TANC2: variants seen among roughly 807,000 people sequenced by gnomAD.
TANC2 encodes protein TANC2.
In TANC2, 26 loss-of-function variants were observed where a neutral mutation model predicts 210.5. The ratio of observed to expected loss-of-function variants is 0.12; its 90% confidence interval spans 0.09 to 0.17. The LOEUF is 0.17. Among genes scored for constraint, TANC2 ranks in the 10% least tolerant of loss-of-function variants. The pLI is 1.00. For missense variants in TANC2, 2,129 were observed against 2,608.9 expected, an observed-to-expected ratio of 0.82 and a Z score of 4.01; for synonymous variants, 931 against 967.1, an observed-to-expected ratio of 0.96 and a Z score of 0.69.
intron 3 of TANC2, 101 bp from the exon 4 acceptor site, chr17:63,099,074 G>A: frequency 8.3e-7 from 1 of 1,201,142 alleles, no homozygotes; most frequent in Admixed American, 2.0e-5. Flanking sequence ...ATTTTTCACA[G>A]TGAAAATATT....
At chr17:63,061,967 TTTCTGA>T (rs748009886) in intron 2 of TANC2, among the ~76,000 whole-genome samples, 4 of 152,154 alleles carry the variant, frequency 2.6e-5, no homozygotes, top group Non-Finnish European at 5.9e-5. Context: ...TTTCTGAGTT[TTTCTGA>T]TTCTGATTTG....
At position 63,420,163 on chromosome 17, in the gene TANC2, A is replaced by C. The variant is rs1446908607; in HGVS notation, c.4433A>C (p.Glu1478Ala). ...CAGCCTCAGCAGCAGTTGCCGGAAG[A>C]AGCAGAACCTGAGCCACAGCATGAA... is the stretch of plus-strand genomic sequence containing the variant. The change falls in exon 28 of 28, where the codon GAA (glutamate) becomes GCA (alanine). Residue 1478 changes from glutamate (E) to alanine (A), a missense_variant. Around this residue, in one of 5 missense-constraint regions of TANC2, gnomAD observed 584 missense variants for 627.3 expected, o/e 0.93. Coordinates refer to ENST00000689528, the Ensembl canonical transcript of TANC2. The surrounding 1 kb of genome is among the most constrained non-coding windows in gnomAD (Gnocchi z 4.2). 2.6e-6 allele frequency: 4 copies of C among 1,566,736 alleles called. No individual in the cohort carries two copies. In the East Asian group the frequency reaches 9.5e-5, roughly 37 times the overall value.
chr17:63,275,646 C>T (rs1350508669), intron 9 of TANC2, among the ~76,000 whole-genome samples: 1 of 152,118 alleles, frequency 6.6e-6, no homozygotes, highest in Non-Finnish European at 1.5e-5. Context: ...TCTTTTCTAC[C>T]TCATTGTTCA....
At chr17:62,982,615 T>C (rs1181737511) in intron 1 of TANC2, among the ~76,000 whole-genome samples, 1 of 152,216 alleles carries the variant, frequency 6.6e-6, no homozygotes, top group African/African-American at 2.4e-5. Context: ...TTGCTGTCTT[T>C]CAGTCTTTCT....
Position 63,229,768 on chromosome 17 carries a change from G to GTT in TANC2, c.770-8045_770-8044insTT, listed in dbSNP as rs1247423166. Among the ~76,000 whole-genome samples, 524 of 135,358 alleles carry GTT rather than the reference G, an allele frequency of 3.9e-3. 3 individuals are homozygous for GTT. Among genetic ancestry groups the GTT allele is most frequent in the African/African-American group, 0.014 (499 of 36,028 alleles). The allele number at this position is 135,358 out of a possible 152,430, so 88.8% of individuals were successfully genotyped here. A position where few individuals can be genotyped will look rare whatever the true frequency, so the allele number is the denominator to read the frequency against. On this transcript the variant is annotated intron_variant, in intron 7 of 27. Coordinates refer to ENST00000689528, the Ensembl canonical transcript of TANC2. ...TTATAGTATTCTCTAATGATTGTTTGTATTTTTTTTTTTTTTTTTGAGAAA... is the reference window on the plus strand; with the variant it reads ...TTATAGTATTCTCTAATGATTGTTTGTTTATTTTTTTTTTTTTTTTTGAGAAA...
chr17:63,370,381 T>C (rs954830788), intron 14 of TANC2, among the ~76,000 whole-genome samples: 2 of 151,958 alleles, frequency 1.3e-5, no homozygotes, highest in Non-Finnish European at 2.9e-5. Flanking sequence ...AGTTTCACCA[T>C]GTTAGCCAGG....
Position 63,003,136 on chromosome 17 carries a change from A to G in TANC2, c.-23-6401A>G, listed in dbSNP as rs182971856. Reference sequence around the variant, plus strand: ...TTGTGATCAATATTTGATATTGTCAAACTTTTTAAAGTTAGCTCTTCTGGT... The same window carrying G: ...TTGTGATCAATATTTGATATTGTCAGACTTTTTAAAGTTAGCTCTTCTGGT... On this transcript the variant is annotated intron_variant, in intron 1 of 27. Coordinates refer to ENST00000689528, the Ensembl canonical transcript of TANC2. Among the ~76,000 whole-genome samples, 353 of 152,328 alleles carry G rather than the reference A, an allele frequency of 2.3e-3. 1 individual carries two copies. The highest frequency in any genetic ancestry group is 0.017 in the Admixed American group (265 of 15,290).
At chr17:63,208,017 G>A (rs1185218367) in intron 7 of TANC2, among the ~76,000 whole-genome samples, 3 of 152,038 alleles carry the variant, frequency 2.0e-5, no homozygotes, top group Non-Finnish European at 4.4e-5. Flanking sequence ...AGCCAATTAG[G>A]TTTCCTCTTT....
intron 10 of TANC2, among the ~76,000 whole-genome samples, chr17:63,318,344 A>G (rs1336155371): frequency 6.6e-6 from 1 of 152,258 alleles, no homozygotes; most frequent in African/African-American, 2.4e-5. Context: ...GCTGTAACTC[A>G]CATACTATGT....
At chr17:62,992,079 A>G (rs1321022359) in intron 1 of TANC2, among the ~76,000 whole-genome samples, 1 of 152,188 alleles carries the variant, frequency 6.6e-6, no homozygotes, top group Non-Finnish European at 1.5e-5. Flanking sequence ...GAATCTAGAG[A>G]TGATTTAAGG....
chr17:63,372,325 G>C (rs2047293083), intron 14 of TANC2, among the ~76,000 whole-genome samples: 1 of 152,098 alleles, frequency 6.6e-6, no homozygotes, highest in South Asian at 2.1e-4. Flanking sequence ...ATTTTTCCCT[G>C]ATCTGTGGAC....
chr17:63,173,084 T>C (rs1411646779), intron 5 of TANC2, among the ~76,000 whole-genome samples: 2 of 152,100 alleles, frequency 1.3e-5, no homozygotes, highest in Non-Finnish European at 2.9e-5. Flanking sequence ...GATCAATCAG[T>C]GTGAGGGAAA....
At chr17:62,994,554 T>G (rs979704438) in intron 1 of TANC2, among the ~76,000 whole-genome samples, 1 of 152,320 alleles carries the variant, frequency 6.6e-6, no homozygotes, top group East Asian at 1.9e-4. Flanking sequence ...TGAGTATTTC[T>G]TTTTTAATCA....
chr17:63,085,186 A>C (rs1024654956), intron 3 of TANC2, among the ~76,000 whole-genome samples: 3 of 152,126 alleles, frequency 2.0e-5, no homozygotes, highest in African/African-American at 7.2e-5. Context: ...AAGACTGTTA[A>C]GTCTTGTTGG....
chr17:63,144,837 C>T (rs771700313), intron 4 of TANC2, among the ~76,000 whole-genome samples: 7 of 152,036 alleles, frequency 4.6e-5, no homozygotes, highest in Non-Finnish European at 1.0e-4. Flanking sequence ...TAAAGATTAT[C>T]ATATCAAATT....
intron 7 of TANC2, among the ~76,000 whole-genome samples, chr17:63,217,287 CAAT>C (rs2042049772): frequency 6.6e-6 from 1 of 152,010 alleles, no homozygotes. Context: ...TCAGTAAAAT[CAAT>C]AAACCTCTAC....
chr17:63,334,535 AAG>A (rs2045963254), intron 11 of TANC2, among the ~76,000 whole-genome samples: 1 of 152,148 alleles, frequency 6.6e-6, no homozygotes. Flanking sequence ...GAAAGAAACA[AAG>A]AGGGGAATAG....
At chr17:62,987,912 G>A (rs889825454) in intron 1 of TANC2, among the ~76,000 whole-genome samples, 8 of 152,022 alleles carry the variant, frequency 5.3e-5, no homozygotes, top group Admixed American at 3.9e-4. Flanking sequence ...TTTGTTTGCC[G>A]TAGACTTAAT....
At chr17:63,140,510 C>G (rs1457675871) in intron 4 of TANC2, among the ~76,000 whole-genome samples, 1 of 152,188 alleles carries the variant, frequency 6.6e-6, no homozygotes, top group East Asian at 1.9e-4. Flanking sequence ...ACTGTAGAAT[C>G]ATGCAGGGAC....
Sources: allele counts gnomAD v4.1 joint callset (sites outside exome capture counted in the v4.1 genomes callset), GRCh38; gene constraint gnomAD v4.1.1; regional missense constraint gnomAD v4.1.1; non-coding constraint Gnocchi (gnomAD v3.1); transcripts MANE v1.5; gene names NCBI Gene and HGNC (gene_info 2026-07-23, HGNC 2026-07-21).